ANKRD10: variants seen among roughly 807,000 people sequenced by gnomAD.
ANKRD10 encodes the protein ankyrin repeat domain 10.
A neutral mutation model predicts 27.0 loss-of-function variants in ANKRD10; 14 were observed. The ratio of observed to expected loss-of-function variants is 0.52; its 90% CI spans 0.34 to 0.81. The LOEUF is 0.81. ANKRD10 is among the 40% of genes least tolerant of loss of function. The pLI is 0.01. For synonymous variants in ANKRD10, 250 were observed against 224.5 expected, an observed-to-expected ratio of 1.11 and a Z score of -1.01; for missense variants, 493 against 544.0, an observed-to-expected ratio of 0.91 and a Z score of 0.93.
intron 3 of ANKRD10, among the ~76,000 whole-genome samples, chr13:110,896,241 T>C (rs778425062): frequency 5.3e-5 from 8 of 152,216 alleles, no homozygotes; most frequent in Non-Finnish European, 1.0e-4. Context: ...AGTGGCACTA[T>C]CTATGCAGCA....
At chr13:110,881,178 T>C (rs967702620) in intron 5 of ANKRD10, among the ~76,000 whole-genome samples, 1 of 152,226 alleles carries the variant, frequency 6.6e-6, no homozygotes, top group Non-Finnish European at 1.5e-5. Context: ...AACTCGGTAA[T>C]ACTAGATTTT....
At chr13:110,889,225 T>C (rs2065012244) in intron 4 of ANKRD10, among the ~76,000 whole-genome samples, 1 of 152,198 alleles carries the variant, frequency 6.6e-6, no homozygotes, top group African/African-American at 2.4e-5. Context: ...GCTGGAGTCC[T>C]GAAGCCCATG....
Position 110,910,723 on chromosome 13 carries a change from G to A in ANKRD10, c.258C>T (p.Val86=), listed in dbSNP as rs200594052. The A allele has an allele frequency of 6.5e-5, 105 of 1,614,180 alleles. 1 individual carries two copies. The East Asian group carries it at 1.0e-3, about 16-fold the overall frequency. Residue 86 remains valine, a synonymous_variant, in exon 2 of 6, where the codon GTC becomes GTT. Coordinates refer to ENST00000267339, the MANE Select transcript of ANKRD10 (RefSeq NM_017664.4). ...QLVRAGATLN[V]STTRYAQTPA... ...GCGTCTGCGCGTACCGTGTGGTGGA[G>A]ACGTTGAGTGTGGCTCCCGCTCTCA...
intron 2 of ANKRD10, 133 bp downstream of exon 2, chr13:110,910,485 A>G: frequency 8.4e-7 from 1 of 1,188,788 alleles, no homozygotes; most frequent in Non-Finnish European, 1.2e-6. Flanking sequence ...CTGAAGAAAC[A>G]TAAATTCCAG....
intron 3 of ANKRD10, among the ~76,000 whole-genome samples, chr13:110,897,526 T>C (rs1034609640): frequency 2.6e-5 from 4 of 152,170 alleles, no homozygotes; most frequent in Non-Finnish European, 5.9e-5. Flanking sequence ...TACATGTTGC[T>C]GAGAATAACA....
At chr13:110,911,705 G>C (rs1029226402) in intron 1 of ANKRD10, 6 of 152,190 alleles carry the variant, frequency 3.9e-5, no homozygotes, top group Admixed American at 3.9e-4. Context: ...CTTGAACCTA[G>C]GAGGTGGAGG....
At chr13:110,909,901 G>A (rs922023430) in intron 2 of ANKRD10, among the ~76,000 whole-genome samples, 2 of 152,316 alleles carry the variant, frequency 1.3e-5, no homozygotes, top group African/African-American at 2.4e-5. Flanking sequence ...CCATGCCCAG[G>A]TCTTAAGAGA....
chr13:110,899,290 G>A (rs1439898800), intron 3 of ANKRD10: 3 of 152,216 alleles, frequency 2.0e-5, no homozygotes, highest in Non-Finnish European at 4.4e-5. Context: ...AGTAATGAAA[G>A]TGTACACATT....
intron 4 of ANKRD10, among the ~76,000 whole-genome samples, chr13:110,892,362 G>A (rs1265801979): frequency 1.6e-5 from 2 of 125,412 alleles, no homozygotes; most frequent in African/African-American, 6.1e-5. Context: ...CTTGGGAGCC[G>A]GAGGTTGCAG....
chr13:110,898,672 A>C (rs2065293711), intron 3 of ANKRD10, among the ~76,000 whole-genome samples: 1 of 151,814 alleles, frequency 6.6e-6, no homozygotes, highest in Non-Finnish European at 1.5e-5. Context: ...TCCTGGGCTC[A>C]GGTGCTCCTC....
At chr13:110,897,595 T>C (rs1016831754) in intron 3 of ANKRD10, among the ~76,000 whole-genome samples, 3 of 152,192 alleles carry the variant, frequency 2.0e-5, no homozygotes, top group Non-Finnish European at 4.4e-5. Flanking sequence ...CCACATTTTA[T>C]CTGTTCATTT....
At chr13:110,910,576 G>C (rs1363542925) in intron 2 of ANKRD10, 42 bp downstream of exon 2, 5 of 1,608,220 alleles carry the variant, frequency 3.1e-6, no homozygotes, top group Non-Finnish European at 4.2e-6. Flanking sequence ...ACTGCAAAAA[G>C]AAAAAGCAAA....
intron 3 of ANKRD10, among the ~76,000 whole-genome samples, chr13:110,898,740 TTTTTC>T (rs1212090441): frequency 1.4e-5 from 2 of 142,738 alleles, no homozygotes; most frequent in Admixed American, 7.4e-5. Context: ...ACCCAACTAG[TTTTTC>T]TTTTCTTTTT....
chr13:110,907,761 G>A (rs553700248), intron 2 of ANKRD10, among the ~76,000 whole-genome samples: 4 of 152,126 alleles, frequency 2.6e-5, no homozygotes, highest in Non-Finnish European at 2.9e-5. Context: ...CCAAAAGAGA[G>A]GTGAGGAGGG....
chr13:110,892,088 C>T (rs913688043), intron 4 of ANKRD10, among the ~76,000 whole-genome samples: 2 of 151,130 alleles, frequency 1.3e-5, no homozygotes, highest in African/African-American at 4.9e-5. Context: ...GAGTGACTGG[C>T]TGACTGCTTA....
At chr13:110,881,363 T>G (rs1463996057) in intron 5 of ANKRD10, among the ~76,000 whole-genome samples, 2 of 152,188 alleles carry the variant, frequency 1.3e-5, no homozygotes, top group Non-Finnish European at 2.9e-5. Flanking sequence ...CCTGTAAACC[T>G]CTGACAGAGG....
At chr13:110,884,862 T>A (rs955728809) in intron 4 of ANKRD10, among the ~76,000 whole-genome samples, 2 of 152,182 alleles carry the variant, frequency 1.3e-5, no homozygotes, top group Non-Finnish European at 2.9e-5. Context: ...ATAGGGAGAA[T>A]GGAACTTTGC....
chr13:110,892,437 T>TAAAAAAAAAAAAAAAAAAAAAAAAAAAAA (rs2065104645), intron 4 of ANKRD10, among the ~76,000 whole-genome samples: 1 of 62,074 alleles, frequency 1.6e-5, no homozygotes. Flanking sequence ...AAAAAAAAAA[T>TAAAAAAAAAAAAAAAAAAAAAAAAAAAAA]GGTGGGAGAA....
chr13:110,913,608 G>C (rs1361447919), intron 1 of ANKRD10, among the ~76,000 whole-genome samples: 2 of 152,174 alleles, frequency 1.3e-5, no homozygotes, highest in Non-Finnish European at 2.9e-5. Flanking sequence ...CAGCTGCTTT[G>C]TGAATGTAGC....
Sources: gnomAD v4.1 joint callset for allele counts (sites outside exome capture counted in the v4.1 genomes callset) on GRCh38, gnomAD v4.1.1 for gene constraint, MANE v1.5 for transcripts, NCBI Gene and HGNC (gene_info 2026-07-23, HGNC 2026-07-21) for gene names.